PARD3B: variants seen among roughly 807,000 people sequenced by gnomAD.
The protein encoded by PARD3B is par-3 family cell polarity regulator beta.
PARD3B carries 103 observed loss-of-function variants against 130.2 expected under a neutral mutation model. The ratio of observed to expected loss-of-function variants is 0.79; its 90% CI spans 0.67 to 0.93. The LOEUF is 0.93. Among genes scored for constraint, PARD3B ranks in the 40% least tolerant of loss-of-function variants. PARD3B has a pLI of 0.00. For synonymous variants in PARD3B, 583 were observed against 553.2 expected (o/e 1.05, Z -0.76); for missense variants, 1,609 against 1,499.2 (o/e 1.07, Z -1.21).
chr2:204,648,069 A>G (rs188928610), intron 1 of PARD3B, among the ~76,000 whole-genome samples: 178 of 151,898 alleles, frequency 1.2e-3, no homozygotes, highest in African/African-American at 4.1e-3. Context: ...GTAGAAAATT[A>G]TATATCTGTA....
chr2:204,609,184 T>C (rs750381878), intron 1 of PARD3B, among the ~76,000 whole-genome samples: 2 of 152,226 alleles, frequency 1.3e-5, no homozygotes, highest in Non-Finnish European at 2.9e-5. Flanking sequence ...AATTAAGTCT[T>C]TGAGTGTATC....
At chr2:204,847,197 T>G (rs2044498554) in intron 2 of PARD3B, among the ~76,000 whole-genome samples, 1 of 150,726 alleles carries the variant, frequency 6.6e-6, no homozygotes, top group African/African-American at 2.4e-5. Flanking sequence ...TAAGCATTGT[T>G]TATGTTTTAA....
At chr2:205,112,141 A>G (rs1703689522) in intron 5 of PARD3B, among the ~76,000 whole-genome samples, 1 of 152,070 alleles carries the variant, frequency 6.6e-6, no homozygotes, top group South Asian at 2.1e-4. Flanking sequence ...AGCCTCTGAC[A>G]TAAGCTGCTT....
intron 15 of PARD3B, among the ~76,000 whole-genome samples, chr2:205,195,355 T>C (rs375230234): frequency 2.6e-5 from 4 of 152,336 alleles, no homozygotes; most frequent in East Asian, 1.9e-4. Flanking sequence ...CTCAACAGCA[T>C]GCTGTAAAAA....
rs115756143 is a variant in PARD3B, at chr2:205,369,775, G to T, written c.2631-31238G>T. Among the ~76,000 whole-genome samples, 1,138 of 152,296 alleles carry T rather than the reference G, an allele frequency of 7.5e-3. 15 individuals carry two copies. Among genetic ancestry groups the T allele is most frequent in the African/African-American group, 0.025 (1,050 of 41,568 alleles). On this transcript the variant is annotated intron_variant, in intron 18 of 22. Coordinates refer to ENST00000406610, the MANE Select transcript of PARD3B (RefSeq NM_001302769.2). Reference sequence around the variant, plus strand: ...CCAAGTGGGACAAGGAGCTGTTTAAGGGCTTAACTTTTACATTCTTACTTC... The same window carrying T: ...CCAAGTGGGACAAGGAGCTGTTTAATGGCTTAACTTTTACATTCTTACTTC...
intron 1 of PARD3B, among the ~76,000 whole-genome samples, chr2:204,552,411 C>T (rs931161326): frequency 2.6e-5 from 4 of 151,974 alleles, no homozygotes; most frequent in Non-Finnish European, 5.9e-5. Flanking sequence ...GGAGAGTGGG[C>T]CAAGAAGGAG....
At chr2:205,002,263 A>T (rs1229512820) in intron 3 of PARD3B, among the ~76,000 whole-genome samples, 3 of 152,184 alleles carry the variant, frequency 2.0e-5, no homozygotes, top group Non-Finnish European at 4.4e-5. Context: ...TGTTAACTAC[A>T]TTTAAAAAGT....
At chr2:205,047,830 A>G in intron 4 of PARD3B, 140 bp downstream of exon 4, 1 of 580,254 alleles carries the variant, frequency 1.7e-6, no homozygotes. Context: ...TTATACTAAT[A>G]GCTAGTATGG....
At chr2:205,296,888 AATAT>A (rs986498701) in intron 16 of PARD3B, among the ~76,000 whole-genome samples, 2 of 151,198 alleles carry the variant, frequency 1.3e-5, no homozygotes, top group African/African-American at 4.9e-5. Context: ...AAAAAAAAAA[AATAT>A]GTGGCATTTT....
At chr2:204,723,187 A>T (rs1448724661) in intron 2 of PARD3B, among the ~76,000 whole-genome samples, 1 of 152,162 alleles carries the variant, frequency 6.6e-6, no homozygotes, top group African/African-American at 2.4e-5. Context: ...GTATGTTTTT[A>T]ACAAAGTATA....
intron 21 of PARD3B, among the ~76,000 whole-genome samples, chr2:205,506,058 G>T (rs2050350227): frequency 6.6e-6 from 1 of 152,176 alleles, no homozygotes; most frequent in Non-Finnish European, 1.5e-5. Flanking sequence ...GTGCTGGCCG[G>T]GCACAGTGGC....
Position 205,300,689 on chromosome 2 carries a change from G to A in PARD3B, c.2345G>A (p.Arg782Lys). The A allele has an allele frequency of 3.1e-6, 5 of 1,613,930 alleles. No individual in the cohort carries two copies. The South Asian group carries it at 5.5e-5, about 18-fold the overall frequency. Residue 782 changes from arginine to lysine, a missense_variant, in exon 17 of 23, where the codon AGA becomes AAA. Arg to Lys is a conservative substitution (Grantham distance 26). Transcript: ENST00000406610. This position sits in a 1 kb window ranked among gnomAD's most constrained non-coding sequence, Gnocchi z 4.1. ...VRGRGCNESF[R>K]AAIDKSYDGP... is the part of the protein sequence containing the mutation. ...GGCCGAGGCTGCAATGAGAGCTTTAGAGCAGCCATTGACAAATCCTACGAT... is the reference window on the plus strand; with the variant it reads ...GGCCGAGGCTGCAATGAGAGCTTTAAAGCAGCCATTGACAAATCCTACGAT...
rs1181760380 is a variant in PARD3B at position 205,268,677 on chromosome 2, T to C, written c.2185+22855T>C. ...TTTAAAATTTTACTTCTGAGATATA[T>C]GATGAGTCCAAAATAAGTTTTAAAA... On this transcript the variant is annotated intron_variant, in intron 16 of 22. Transcript: ENST00000406610. The surrounding 1 kb of genome is among the most constrained non-coding windows in gnomAD (Gnocchi z 4.1). 4.6e-5 allele frequency among the ~76,000 whole-genome samples: 7 copies of C among 152,154 alleles called. No individual in the cohort carries two copies. The highest frequency in any genetic ancestry group is 2.6e-4 in the Admixed American group (4 of 15,270).
At chr2:204,563,738 C>G (rs1273222514) in intron 1 of PARD3B, among the ~76,000 whole-genome samples, 1 of 152,058 alleles carries the variant, frequency 6.6e-6, no homozygotes, top group African/African-American at 2.4e-5. Context: ...CATGTATGTC[C>G]TAAATTCTAT....
chr2:205,482,386 C>A (rs965124353), intron 20 of PARD3B, among the ~76,000 whole-genome samples: 1 of 151,914 alleles, frequency 6.6e-6, no homozygotes, highest in Non-Finnish European at 1.5e-5. Flanking sequence ...AGGTACAAAC[C>A]GGATTGTCAT....
intron 22 of PARD3B, among the ~76,000 whole-genome samples, chr2:205,601,307 G>C (rs1033866691): frequency 1.3e-5 from 2 of 152,088 alleles, no homozygotes; most frequent in African/African-American, 4.8e-5. Flanking sequence ...GTCTTGTTTT[G>C]AGAAGTGTCT....
intron 4 of PARD3B, among the ~76,000 whole-genome samples, chr2:205,083,885 C>T (rs1054420714): frequency 1.2e-4 from 19 of 152,074 alleles, no homozygotes; most frequent in African/African-American, 4.6e-4. Flanking sequence ...ACATTGCCAT[C>T]TTGTTTATTT....
chr2:204,776,326 A>C (rs1040442143), intron 2 of PARD3B, among the ~76,000 whole-genome samples: 6 of 152,140 alleles, frequency 3.9e-5, no homozygotes, highest in Non-Finnish European at 7.4e-5. Flanking sequence ...ACAAGCATTA[A>C]TTAAGATTTT....
intron 19 of PARD3B, among the ~76,000 whole-genome samples, chr2:205,423,592 C>A (rs2047046143): frequency 6.6e-6 from 1 of 152,152 alleles, no homozygotes; most frequent in Non-Finnish European, 1.5e-5. Flanking sequence ...GCCTAATAAG[C>A]ACCATAGAAA....
Sources: allele counts gnomAD v4.1 joint callset (sites outside exome capture counted in the v4.1 genomes callset), GRCh38; gene constraint gnomAD v4.1.1; non-coding constraint Gnocchi (gnomAD v3.1); transcripts MANE v1.5; gene names NCBI Gene and HGNC (gene_info 2026-07-23, HGNC 2026-07-21).